The following EFNA5 variants were observed in gnomAD, a reference collection of about 807,000 sequenced individuals.
The protein encoded by EFNA5 is ephrin-A5.
A neutral mutation model predicts 22.9 loss-of-function variants in EFNA5; 5 were observed. That is an observed-to-expected ratio of 0.22 (90% CI 0.11 to 0.46). The LOEUF is 0.46. Among genes scored for constraint, EFNA5 ranks in the 20% least tolerant of loss-of-function variants. The pLI is 0.99. For synonymous variants in EFNA5, 113 were observed against 112.2 expected (o/e 1.01, Z -0.04); for missense variants, 237 against 293.3 (o/e 0.81, Z 1.40).
chr5:107,459,432 G>A (rs576868760), intron 1 of EFNA5, among the ~76,000 whole-genome samples: 1 of 151,266 alleles, frequency 6.6e-6, no homozygotes, highest in East Asian at 2.0e-4. Flanking sequence ...TAGAACTACA[G>A]AAAAATAGAT....
intron 1 of EFNA5, among the ~76,000 whole-genome samples, chr5:107,563,812 A>G (rs1748598505): frequency 6.6e-6 from 1 of 152,166 alleles, no homozygotes; most frequent in Admixed American, 6.5e-5. Context: ...CTGTGGCAGC[A>G]GACTCCTAAC....
intron 2 of EFNA5, among the ~76,000 whole-genome samples, chr5:107,395,031 G>GTT (rs1257797158): frequency 1.0e-4 from 3 of 28,820 alleles, no homozygotes; most frequent in African/African-American, 3.8e-4. Context: ...AGGATTTCTA[G>GTT]TTCTTTTTTT....
At chr5:107,527,412 G>A (rs1170746404) in intron 1 of EFNA5, among the ~76,000 whole-genome samples, 3 of 151,596 alleles carry the variant, frequency 2.0e-5, no homozygotes, top group Non-Finnish European at 2.9e-5. Context: ...TCAGCCTCCC[G>A]AGTAGCTCGG....
intron 1 of EFNA5, among the ~76,000 whole-genome samples, chr5:107,622,757 C>G (rs1054800841): frequency 6.6e-6 from 1 of 151,618 alleles, no homozygotes; most frequent in Non-Finnish European, 1.5e-5. Context: ...CGCGGTGGCT[C>G]ACGCCTGTAA....
At chr5:107,435,496 T>A (rs1049098122) in intron 1 of EFNA5, among the ~76,000 whole-genome samples, 1 of 152,132 alleles carries the variant, frequency 6.6e-6, no homozygotes, top group Non-Finnish European at 1.5e-5. Context: ...TTCAGATGTA[T>A]TGGTAATCAA....
intron 2 of EFNA5, among the ~76,000 whole-genome samples, chr5:107,420,968 G>A (rs1338944559): frequency 6.6e-6 from 1 of 152,110 alleles, no homozygotes; most frequent in Non-Finnish European, 1.5e-5. Context: ...GAAACACATC[G>A]ATAGTTAAAT....
intron 1 of EFNA5, among the ~76,000 whole-genome samples, chr5:107,448,544 C>T (rs925030132): frequency 6.6e-6 from 1 of 151,804 alleles, no homozygotes; most frequent in Admixed American, 6.6e-5. Context: ...AAAAATAATC[C>T]CCAGGGCTGG....
At chr5:107,521,002 T>C (rs903863821) in intron 1 of EFNA5, among the ~76,000 whole-genome samples, 3 of 152,206 alleles carry the variant, frequency 2.0e-5, no homozygotes, top group African/African-American at 4.8e-5. Flanking sequence ...AAATGTAATA[T>C]GATTTGAAAT....
intron 1 of EFNA5, among the ~76,000 whole-genome samples, chr5:107,581,231 A>G (rs1749068527): frequency 6.6e-6 from 1 of 152,214 alleles, no homozygotes; most frequent in Non-Finnish European, 1.5e-5. Context: ...ACAAACTAAT[A>G]CAGGTTAAAC....
intron 1 of EFNA5, among the ~76,000 whole-genome samples, chr5:107,609,661 G>T (rs1352863541): frequency 6.6e-6 from 1 of 152,138 alleles, no homozygotes; most frequent in African/African-American, 2.4e-5. Context: ...ACAGTGTTAT[G>T]CAGGGAAAAC....
At chr5:107,571,866 C>T (rs1036902059) in intron 1 of EFNA5, among the ~76,000 whole-genome samples, 2 of 152,110 alleles carry the variant, frequency 1.3e-5, no homozygotes, top group Non-Finnish European at 2.9e-5. Flanking sequence ...CACACTTGGT[C>T]CTGTTCCCTG....
intron 1 of EFNA5, among the ~76,000 whole-genome samples, chr5:107,564,634 T>TTG (rs1554066803): frequency 9.1e-4 from 114 of 125,052 alleles, no homozygotes; most frequent in Middle Eastern, 3.7e-3. Flanking sequence ...GGTTTTTGTT[T>TTG]TTTTTTTTTT....
chr5:107,538,261 G>A (rs1747967106), intron 1 of EFNA5, among the ~76,000 whole-genome samples: 1 of 152,172 alleles, frequency 6.6e-6, no homozygotes, highest in African/African-American at 2.4e-5. Context: ...TCTTCTCTCA[G>A]ATTTGTCCAT....
At chr5:107,486,741 G>A (rs967389095) in intron 1 of EFNA5, among the ~76,000 whole-genome samples, 1 of 152,178 alleles carries the variant, frequency 6.6e-6, no homozygotes, top group African/African-American at 2.4e-5. Context: ...GTCACACACA[G>A]ATAATAGTTA....
intron 1 of EFNA5, among the ~76,000 whole-genome samples, chr5:107,481,352 C>A (rs1001071462): frequency 6.6e-6 from 1 of 152,144 alleles, no homozygotes; most frequent in Non-Finnish European, 1.5e-5. Flanking sequence ...CTCCATCGCA[C>A]TGGGCCAGGA....
intron 1 of EFNA5, among the ~76,000 whole-genome samples, chr5:107,552,102 G>A (rs920398161): frequency 9.2e-5 from 14 of 151,942 alleles, no homozygotes; most frequent in Admixed American, 2.6e-4. Flanking sequence ...AAATTCTGGC[G>A]TTAGCAGAGT....
At chr5:107,668,859 T>C (rs1751124098) in intron 1 of EFNA5, among the ~76,000 whole-genome samples, 1 of 152,192 alleles carries the variant, frequency 6.6e-6, no homozygotes, top group Non-Finnish European at 1.5e-5. Flanking sequence ...GCAGGATGGC[T>C]TCTTTTTCTC....
chr5:107,405,013 T>A (rs1748171722), intron 2 of EFNA5, among the ~76,000 whole-genome samples: 1 of 152,220 alleles, frequency 6.6e-6, no homozygotes, highest in African/African-American at 2.4e-5. Context: ...TTTTTCAAGC[T>A]ACAGTAGGAC....
intron 2 of EFNA5, among the ~76,000 whole-genome samples, chr5:107,391,366 C>T (rs1425112540): frequency 6.6e-6 from 1 of 152,118 alleles, no homozygotes. Flanking sequence ...CAGCTCTGGG[C>T]AGGGAGCAAG....
Sources: allele counts gnomAD v4.1 joint callset (sites outside exome capture counted in the v4.1 genomes callset), GRCh38; gene constraint gnomAD v4.1.1; transcripts MANE v1.5; gene names NCBI Gene and HGNC (gene_info 2026-07-23, HGNC 2026-07-21).